Variants in TMEM132B observed in about 807,000 individuals in gnomAD.
The protein encoded by TMEM132B is transmembrane protein 132B.
A neutral mutation model predicts 90.8 loss-of-function variants in TMEM132B; 18 were observed. The observed-to-expected ratio is 0.20, with a 90% CI of 0.14 to 0.29. The LOEUF is 0.29. Ranked by LOEUF, TMEM132B falls within the 10% of genes least tolerant of loss-of-function variation. The probability of loss-of-function intolerance (pLI) is 1.00; values close to 1 mark genes in which losing one functional copy is unlikely to be tolerated. For synonymous variants in TMEM132B, 504 were observed against 523.3 expected, an observed-to-expected ratio of 0.96 and a Z score of 0.50; for missense variants, 1,096 against 1,326.8, an observed-to-expected ratio of 0.83 and a Z score of 2.70.
intron 1 of TMEM132B, among the ~76,000 whole-genome samples, chr12:125,190,150 C>T (rs1957788337): frequency 6.6e-6 from 1 of 152,078 alleles, no homozygotes; most frequent in Non-Finnish European, 1.5e-5. Flanking sequence ...CAGGGTCACA[C>T]AGTGAATTGG....
intron 2 of TMEM132B, among the ~76,000 whole-genome samples, chr12:125,362,025 C>T (rs1341739401): frequency 6.6e-6 from 1 of 152,210 alleles, no homozygotes; most frequent in Non-Finnish European, 1.5e-5. Context: ...CCCCTGCAGT[C>T]ATGCTAGGAG....
intron 5 of TMEM132B, among the ~76,000 whole-genome samples, chr12:125,622,196 C>T (rs137923315): frequency 6.6e-6 from 1 of 152,290 alleles, no homozygotes; most frequent in Non-Finnish European, 1.5e-5. Flanking sequence ...ACCAGACCTC[C>T]TTAAAGTTCC....
chr12:125,235,852 G>A (rs1021998817), intron 1 of TMEM132B, among the ~76,000 whole-genome samples: 2 of 128,206 alleles, frequency 1.6e-5, no homozygotes, highest in African/African-American at 6.0e-5. Context: ...TGTCCAGGCT[G>A]GAGTGCAGTG....
intron 5 of TMEM132B, among the ~76,000 whole-genome samples, chr12:125,593,567 G>C (rs551519685): frequency 6.6e-6 from 1 of 152,266 alleles, no homozygotes; most frequent in South Asian, 2.1e-4. Context: ...GTGTGAAAGT[G>C]TCTGGGATAT....
At chr12:125,248,793 C>T (rs1874257467) in intron 1 of TMEM132B, among the ~76,000 whole-genome samples, 1 of 152,122 alleles carries the variant, frequency 6.6e-6, no homozygotes, top group Non-Finnish European at 1.5e-5. Context: ...GGGCCTGCAC[C>T]ACAGTTCCCC....
chr12:125,272,458 CA>C (rs1487383673), intron 1 of TMEM132B, among the ~76,000 whole-genome samples: 1 of 152,174 alleles, frequency 6.6e-6, no homozygotes, highest in Non-Finnish European at 1.5e-5. Context: ...TGGCAAGAGG[CA>C]GGCATAAGCC....
chr12:125,270,112 T>TTGTGTGTGTGTGTGTGTGTGTGTGTGTG (rs59168219), intron 1 of TMEM132B, among the ~76,000 whole-genome samples: 1 of 143,144 alleles, frequency 7.0e-6, no homozygotes, highest in African/African-American at 2.6e-5. Flanking sequence ...CACATCTTTG[T>TTGTGTGTGTGTGTGTGTGTGTGTGTGTG]TGTGTGTGTG....
rs531083282 is a variant in TMEM132B, at chr12:125,601,874, A to T, written c.1437+17880A>T. On this transcript the variant is annotated intron_variant, in intron 5 of 8. Transcript: ENST00000682704. ...ACTAGAAAATCTGGGAGAAATGGATAAATTCCTGGACACATACACCCTCCC... is the reference window on the plus strand; with the variant it reads ...ACTAGAAAATCTGGGAGAAATGGATTAATTCCTGGACACATACACCCTCCC... Among the ~76,000 whole-genome samples the T allele has an allele frequency of 2.6e-5, 4 of 152,348 alleles. No individual in the cohort carries two copies. In the South Asian group the frequency reaches 8.3e-4, roughly 32 times the overall value.
chr12:125,375,663 C>G lies in TMEM132B; in HGVS notation c.959+25320C>G, dbSNP rs569587984. ...CTCTTTGAGGTGCACACATCACACT[C>G]TGTCACACCCAGGTAGAAAGTTTGA... On this transcript the variant is annotated intron_variant, in intron 2 of 8. Coordinates refer to ENST00000682704, the MANE Select transcript of TMEM132B (RefSeq NM_001366854.1). Among the ~76,000 whole-genome samples, 158 of 152,380 alleles carry G rather than the reference C, an allele frequency of 1.0e-3. 1 individual carries two copies. Among genetic ancestry groups the G allele is most frequent in the Admixed American group, 3.7e-3 (56 of 15,312 alleles).
intron 1 of TMEM132B, among the ~76,000 whole-genome samples, chr12:125,348,727 C>T (rs1303429891): frequency 6.6e-6 from 1 of 152,174 alleles, no homozygotes. Flanking sequence ...ATTTGTGGCA[C>T]AGAGAGGCTA....
Position 125,261,060 on chromosome 12 carries a change from G to T in TMEM132B, c.67+74194G>T, listed in dbSNP as rs182363194. Among the ~76,000 whole-genome samples the T allele has an allele frequency of 1.4e-3, 219 of 152,250 alleles. 1 individual carries two copies. The highest frequency in any genetic ancestry group is 5.0e-3 in the African/African-American group (207 of 41,538). ...TAGGTAGGCTGTGTGCACACTGGTT[G>T]TGTTTACATTGGCTGAATAGCGTAC... On this transcript the variant is annotated intron_variant, in intron 1 of 8. Transcript: ENST00000682704.
intron 5 of TMEM132B, among the ~76,000 whole-genome samples, chr12:125,619,567 G>A (rs568076412): frequency 6.6e-6 from 1 of 152,056 alleles, no homozygotes; most frequent in Non-Finnish European, 1.5e-5. Context: ...ATTTCACCAT[G>A]TTAGCCCGGC....
At chr12:125,205,341 C>A (rs900853452) in intron 1 of TMEM132B, among the ~76,000 whole-genome samples, 2 of 151,768 alleles carry the variant, frequency 1.3e-5, no homozygotes, top group African/African-American at 4.8e-5. Context: ...TGGAGCATCT[C>A]ATGAATTCTT....
intron 1 of TMEM132B, among the ~76,000 whole-genome samples, chr12:125,198,019 C>G (rs909129734): frequency 6.6e-6 from 1 of 152,158 alleles, no homozygotes; most frequent in Non-Finnish European, 1.5e-5. Flanking sequence ...TGTAGGGAGG[C>G]TGTGGAGGGA....
intron 4 of TMEM132B, among the ~76,000 whole-genome samples, chr12:125,554,813 A>G (rs1884329564): frequency 6.6e-6 from 1 of 152,142 alleles, no homozygotes; most frequent in South Asian, 2.1e-4. Context: ...CTATGACTAC[A>G]TTTACAGTTA....
intron 4 of TMEM132B, among the ~76,000 whole-genome samples, chr12:125,569,179 G>A (rs960871452): frequency 2.6e-5 from 4 of 152,020 alleles, no homozygotes; most frequent in African/African-American, 9.7e-5. Flanking sequence ...TTTGTGTTAT[G>A]CCCCAGCTCT....
At chr12:125,611,669 G>T (rs551062630) in intron 5 of TMEM132B, among the ~76,000 whole-genome samples, 1 of 151,954 alleles carries the variant, frequency 6.6e-6, no homozygotes, top group Admixed American at 6.6e-5. Flanking sequence ...CTGACTGATT[G>T]GTTATTTAGT....
At position 125,652,671 on chromosome 12, in the gene TMEM132B, G is replaced by A. The variant is rs753595504; in HGVS notation, c.2106+39G>A. The A allele has an allele frequency of 2.3e-5, 37 of 1,574,662 alleles. No homozygotes were observed. In the South Asian group the frequency reaches 3.8e-4, roughly 16 times the overall value. ...GGGCCCTGCGTCCTTGGTCAGTGGG[G>A]ATGACTTCTCTCTCAGTTAGCACAT... On this transcript the variant is annotated intron_variant, in intron 8 of 8. Transcript: ENST00000682704.
chr12:125,500,925 A>G (rs1406012637), intron 3 of TMEM132B, among the ~76,000 whole-genome samples: 3 of 152,212 alleles, frequency 2.0e-5, no homozygotes, highest in African/African-American at 7.2e-5. Flanking sequence ...AGAGAGTCGT[A>G]TAGTAATTGG....
Sources: gnomAD v4.1 joint callset for allele counts (sites outside exome capture counted in the v4.1 genomes callset) on GRCh38, gnomAD v4.1.1 for gene constraint, MANE v1.5 for transcripts, NCBI Gene and HGNC (gene_info 2026-07-23, HGNC 2026-07-21) for gene names.